HTR2C: variants seen among roughly 807,000 people sequenced by gnomAD.
The protein encoded by HTR2C is 5-hydroxytryptamine (serotonin) receptor 2C, G protein-coupled.
In HTR2C, 5 loss-of-function variants were observed where a neutral mutation model predicts 21.0. That is an observed-to-expected ratio of 0.24 (90% CI 0.12 to 0.50). The LOEUF (loss-of-function observed/expected upper bound fraction) is 0.50. Among genes scored for constraint, HTR2C ranks in the 20% least tolerant of loss-of-function variants. The probability of loss-of-function intolerance (pLI) is 0.98; values close to 1 mark genes in which losing one functional copy is unlikely to be tolerated. For missense variants in HTR2C, 271 were observed against 371.2 expected (o/e 0.73, Z 2.22); for synonymous variants, 150 against 145.3 (o/e 1.03, Z -0.23).
At chrX:114,906,568 C>T in intron 5 of HTR2C, 21 bp from the exon 6 acceptor site, 1 of 1,094,294 alleles carries the variant, frequency 9.1e-7, no homozygotes, top group Non-Finnish European at 1.2e-6. Flanking sequence ...ATAACAACCC[C>T]CTTCCTTTTT....
chrX:114,665,965 A>G lies in HTR2C; in HGVS notation c.-80+52084A>G, dbSNP rs782664883. 4.5e-5 allele frequency among the ~76,000 whole-genome samples: 5 copies of G among 112,083 alleles called. No individual in the cohort carries two copies. The Admixed American group carries it at 4.7e-4, about 11-fold the overall frequency. ...TTTCGCAGGTATACCCTTGTAGGAA[A>G]TTAAAGCCCACTTTCTCCATTATTA... On this transcript the variant is annotated intron_variant, in intron 2 of 5. Transcript: ENST00000276198.
intron 5 of HTR2C, among the ~76,000 whole-genome samples, chrX:114,870,338 T>G (rs1237970549): frequency 1.8e-5 from 2 of 110,866 alleles, no homozygotes; most frequent in Non-Finnish European, 3.8e-5. Context: ...CACCTCGGCC[T>G]CCAAAAGGAC....
intron 1 of HTR2C, among the ~76,000 whole-genome samples, chrX:114,600,470 T>G (rs782803450): frequency 9.0e-6 from 1 of 111,659 alleles, no homozygotes; most frequent in South Asian, 3.7e-4. Context: ...CAGTTTGTTT[T>G]TAGAGGTGAA....
intron 4 of HTR2C, among the ~76,000 whole-genome samples, chrX:114,765,315 T>C (rs1448153010): frequency 9.0e-6 from 1 of 111,458 alleles, no homozygotes; most frequent in Admixed American, 9.7e-5. Context: ...GGTTGAATGA[T>C]GGTGGTGAAG....
chrX:114,695,109 T>A (rs929171792), intron 2 of HTR2C, among the ~76,000 whole-genome samples: 1 of 112,016 alleles, frequency 8.9e-6, no homozygotes, highest in Non-Finnish European at 1.9e-5. Context: ...GCAAACCGAT[T>A]ACCTAACTTA....
chrX:114,708,633 G>T (rs1932842867), intron 2 of HTR2C, among the ~76,000 whole-genome samples: 1 of 109,901 alleles, frequency 9.1e-6, no homozygotes, highest in Non-Finnish European at 1.9e-5. Flanking sequence ...ACAAGACTCT[G>T]TAGCTAAAAA....
At chrX:114,705,659 A>C (rs1247689857) in intron 2 of HTR2C, among the ~76,000 whole-genome samples, 1 of 90,844 alleles carries the variant, frequency 1.1e-5, no homozygotes, top group Non-Finnish European at 2.2e-5. Flanking sequence ...CAAGGACTTC[A>C]TGTCTAAAAC....
At chrX:114,746,607 A>C (rs998917283) in intron 4 of HTR2C, among the ~76,000 whole-genome samples, 52 of 111,288 alleles carry the variant, frequency 4.7e-4, no homozygotes, top group African/African-American at 1.5e-3. Context: ...TAATCCCAGC[A>C]ATCTGGGAGG....
At chrX:114,744,663 A>G (rs1188099051) in intron 4 of HTR2C, among the ~76,000 whole-genome samples, 1 of 110,313 alleles carries the variant, frequency 9.1e-6, no homozygotes, top group African/African-American at 3.3e-5. Flanking sequence ...CGTGTTAGCC[A>G]GGATGGTCTC....
intron 2 of HTR2C, among the ~76,000 whole-genome samples, chrX:114,703,447 C>G (rs1228833766): frequency 9.0e-6 from 1 of 111,131 alleles, no homozygotes; most frequent in African/African-American, 3.3e-5. Context: ...GAACAACCTG[C>G]TCCTGAATGA....
intron 2 of HTR2C, among the ~76,000 whole-genome samples, chrX:114,689,722 CATT>C (rs1271002346): frequency 2.7e-5 from 3 of 111,133 alleles, no homozygotes; most frequent in Admixed American, 9.7e-5. Context: ...TGAAATGACT[CATT>C]ATAACCAATC....
At chrX:114,645,959 A>G (rs1556407456) in intron 2 of HTR2C, among the ~76,000 whole-genome samples, 1 of 111,505 alleles carries the variant, frequency 9.0e-6, no homozygotes. Context: ...ACCATAAGAG[A>G]TGAGATTGCC....
At chrX:114,866,975 T>C (rs1487905169) in intron 5 of HTR2C, among the ~76,000 whole-genome samples, 1 of 112,061 alleles carries the variant, frequency 8.9e-6, no homozygotes, top group Admixed American at 9.5e-5. Context: ...GAAGTGAAGA[T>C]ATCTCTTTGA....
chrX:114,888,001 G>C lies in HTR2C; in HGVS notation c.551-18588G>C, dbSNP rs187908830. On this transcript the variant is annotated intron_variant, in intron 5 of 5. Coordinates refer to ENST00000276198, the MANE Select transcript of HTR2C (RefSeq NM_000868.4). ...TGCACTCCAGCCTGGGCGACAGAGT[G>C]AGACTCTAAAAAATAAATAAATAAA... Among the ~76,000 whole-genome samples, 10 of 110,866 alleles carry C rather than the reference G, an allele frequency of 9.0e-5. No homozygotes were observed. The East Asian group carries it at 2.9e-3, about 32-fold the overall frequency.
chrX:114,789,046 G>A (rs1358357449), intron 4 of HTR2C, among the ~76,000 whole-genome samples: 1 of 112,070 alleles, frequency 8.9e-6, no homozygotes, highest in Non-Finnish European at 1.9e-5. Flanking sequence ...ATTAATGTCA[G>A]TCTTTTCAAA....
chrX:114,774,167 GTT>G (rs2070033092), intron 4 of HTR2C, among the ~76,000 whole-genome samples: 1 of 111,747 alleles, frequency 8.9e-6, no homozygotes, highest in African/African-American at 3.2e-5. Flanking sequence ...GCATATGTGT[GTT>G]TGTGTGTGTT....
At chrX:114,635,228 T>C (rs1350174731) in intron 2 of HTR2C, among the ~76,000 whole-genome samples, 1 of 112,195 alleles carries the variant, frequency 8.9e-6, no homozygotes, top group African/African-American at 3.2e-5. Flanking sequence ...GCAAGATATA[T>C]ACATAAAATT....
chrX:114,695,331 C>T (rs1271498951), intron 2 of HTR2C, among the ~76,000 whole-genome samples: 2 of 111,823 alleles, frequency 1.8e-5, no homozygotes, highest in African/African-American at 6.5e-5. Flanking sequence ...GACTTTTTAG[C>T]TAAGACTAGG....
intron 4 of HTR2C, among the ~76,000 whole-genome samples, chrX:114,807,510 CAT>C (rs1176000172): frequency 6.1e-4 from 25 of 40,665 alleles, no homozygotes; most frequent in Non-Finnish European, 9.0e-4. Flanking sequence ...ATATATACAC[CAT>C]ATATATATAT....
Sources: gnomAD v4.1 joint callset for allele counts (sites outside exome capture counted in the v4.1 genomes callset) on GRCh38, gnomAD v4.1.1 for gene constraint, MANE v1.5 for transcripts, NCBI Gene and HGNC (gene_info 2026-07-23, HGNC 2026-07-21) for gene names.